Variants in KIFC3 observed in about 807,000 individuals in gnomAD.
KIFC3 encodes kinesin family member C3.
In KIFC3, 60 loss-of-function variants were observed where a neutral mutation model predicts 101.8. The ratio of observed to expected loss-of-function variants is 0.59; its 90% CI spans 0.48 to 0.73. The LOEUF (loss-of-function observed/expected upper bound fraction) is 0.73. Among genes scored for constraint, KIFC3 ranks in the 30% least tolerant of loss-of-function variants. KIFC3 has a pLI of 0.00. For synonymous variants in KIFC3, 476 were observed against 482.7 expected, an observed-to-expected ratio of 0.99 and a Z score of 0.18; for missense variants, 966 against 1,137.1, an observed-to-expected ratio of 0.85 and a Z score of 2.16.
At chr16:57,819,817 C>T (rs1244215627) in intron 1 of KIFC3, among the ~76,000 whole-genome samples, 1 of 151,998 alleles carries the variant, frequency 6.6e-6, no homozygotes, top group Non-Finnish European at 1.5e-5. Context: ...CCTCAGCCTC[C>T]CAAAGTGCTG....
rs74899518 is a variant in KIFC3 at position 57,792,369 on chromosome 16, T to C, written c.315+2630A>G. Among the ~76,000 whole-genome samples the C allele has an allele frequency of 7.1e-3, 1,077 of 152,368 alleles. 18 individuals are homozygous for C. The highest frequency in any genetic ancestry group is 0.025 in the African/African-American group (1,036 of 41,586). ...TAGACTCTCTTGTCTCTTTCTGCAC[T>C]GTACCTCTGACCCTAGCACAGACTG... is the stretch of plus-strand genomic sequence containing the variant. On this transcript the variant is annotated intron_variant, in intron 3 of 19. Coordinates refer to ENST00000445690, the MANE Select transcript of KIFC3 (RefSeq NM_001130100.2).
chr16:57,778,191 G>A (rs1397503435), intron 3 of KIFC3, among the ~76,000 whole-genome samples: 7 of 152,138 alleles, frequency 4.6e-5, no homozygotes, highest in Non-Finnish European at 1.0e-4. Flanking sequence ...GAGGCGGGCA[G>A]ATCACTTGAG....
rs964117425 is a variant in KIFC3, at chr16:57,778,839, A to G, written c.316-6551T>C. On this transcript the variant is annotated intron_variant, in intron 3 of 19. Coordinates refer to ENST00000445690, the MANE Select transcript of KIFC3 (RefSeq NM_001130100.2). ...GCCTGAGGCCAGGAGTTCAGAGGCT[A>G]CAGTGAGCTATGACCATGAACGGCC... Among the ~76,000 whole-genome samples, 11 of 152,300 alleles carry G rather than the reference A, an allele frequency of 7.2e-5. No individual in the cohort carries two copies. The East Asian group carries it at 1.9e-3, about 27-fold the overall frequency.
At chr16:57,842,332 C>T (rs1411828984) in intron 1 of KIFC3, among the ~76,000 whole-genome samples, 1 of 152,174 alleles carries the variant, frequency 6.6e-6, no homozygotes, top group Non-Finnish European at 1.5e-5. Flanking sequence ...GGGTCAGAGC[C>T]CCCTGTGTCT....
intron 1 of KIFC3, among the ~76,000 whole-genome samples, chr16:57,857,796 T>A (rs1231275789): frequency 4.8e-4 from 62 of 128,112 alleles, no homozygotes; most frequent in African/African-American, 1.6e-3. Context: ...TTTTTTTTTT[T>A]ATTTCTTTTC....
rs377477135 is a variant in KIFC3, at chr16:57,794,962, C to T, written c.315+37G>A. 4.3e-4 allele frequency: 650 copies of T among 1,506,356 alleles called. 3 individuals are homozygous for T. Among genetic ancestry groups the T allele is most frequent in the Admixed American group, 8.6e-4 (33 of 38,174 alleles). 93.3% of individuals were successfully genotyped at this position (1,506,356 alleles called of 1,614,324 possible). A position where few individuals can be genotyped will look rare whatever the true frequency, so the allele number is the denominator to read the frequency against. ...AACCCAGCCACTGGAGCTCAGAGAG[C>T]CAAGGCACATGCAGCCTGGAAGGCC... On this transcript the variant is annotated intron_variant, in intron 3 of 19. Coordinates refer to ENST00000445690, the MANE Select transcript of KIFC3 (RefSeq NM_001130100.2).
chr16:57,786,217 A>G (rs2053306708), intron 3 of KIFC3, among the ~76,000 whole-genome samples: 1 of 152,248 alleles, frequency 6.6e-6, no homozygotes, highest in East Asian at 1.9e-4. Context: ...CCACACATGG[A>G]GCAAGAACTC....
chr16:57,855,481 A>C (rs1259414173), intron 1 of KIFC3, among the ~76,000 whole-genome samples: 1 of 152,128 alleles, frequency 6.6e-6, no homozygotes, highest in Non-Finnish European at 1.5e-5. Context: ...TGAAAGCAAA[A>C]GTACAACATA....
chr16:57,780,581 A>G (rs2052604265), intron 3 of KIFC3, among the ~76,000 whole-genome samples: 1 of 150,614 alleles, frequency 6.6e-6, no homozygotes, highest in African/African-American at 2.4e-5. Flanking sequence ...AATGATTTAA[A>G]AAAAAAAAAA....
chr16:57,840,390 C>T (rs1210572103), intron 1 of KIFC3, among the ~76,000 whole-genome samples: 1 of 151,980 alleles, frequency 6.6e-6, no homozygotes, highest in Non-Finnish European at 1.5e-5. Flanking sequence ...CCTATAATTC[C>T]AGCTACTAGG....
At chr16:57,788,117 C>T (rs1332183609) in intron 3 of KIFC3, among the ~76,000 whole-genome samples, 1 of 152,214 alleles carries the variant, frequency 6.6e-6, no homozygotes, top group Admixed American at 6.5e-5. Context: ...GCCACTGGCT[C>T]CTTTGTCTCA....
At chr16:57,781,547 G>A (rs1249342028) in intron 3 of KIFC3, among the ~76,000 whole-genome samples, 4 of 152,172 alleles carry the variant, frequency 2.6e-5, no homozygotes, top group African/African-American at 9.7e-5. Context: ...GGTCAGCTGG[G>A]TGCTCAAGGA....
chr16:57,797,482 C>G (rs891117868), intron 2 of KIFC3, among the ~76,000 whole-genome samples: 1 of 152,250 alleles, frequency 6.6e-6, no homozygotes, highest in African/African-American at 2.4e-5. Context: ...CGAGCTGGCA[C>G]TGACAGCTCC....
chr16:57,828,158 GCTC>G (rs1315885293), intron 1 of KIFC3, among the ~76,000 whole-genome samples: 1 of 152,294 alleles, frequency 6.6e-6, no homozygotes, highest in African/African-American at 2.4e-5. Flanking sequence ...GCCACTCTGC[GCTC>G]CTCCTCCTCC....
rs1191334568 is a variant in KIFC3, at chr16:57,780,667, A to ATTTTT, written c.316-8384_316-8380dup. 2.9e-4 allele frequency among the ~76,000 whole-genome samples: 20 copies of ATTTTT among 69,956 alleles called. 1 individual carries two copies. Among genetic ancestry groups the ATTTTT allele is most frequent in the South Asian group, 7.0e-4 (1 of 1,434 alleles). The allele number at this position is 69,956 out of a possible 152,430, so 45.9% of individuals were successfully genotyped here. A position where few individuals can be genotyped will look rare whatever the true frequency, so the allele number is the denominator to read the frequency against. On this transcript the variant is annotated intron_variant, in intron 3 of 19. Transcript: ENST00000445690. ...TCCAGCCTGTGGTCTCTGAAGACAAATTTTTTTTTTTTTTTTTTTTTTTTT... is the reference window on the plus strand; with the variant it reads ...TCCAGCCTGTGGTCTCTGAAGACAAATTTTTTTTTTTTTTTTTTTTTTTTTTTTTT...
At chr16:57,796,710 CTGAGA>C (rs1187237748) in intron 2 of KIFC3, among the ~76,000 whole-genome samples, 2 of 152,110 alleles carry the variant, frequency 1.3e-5, no homozygotes, top group African/African-American at 4.8e-5. Flanking sequence ...GGTTAGAAAG[CTGAGA>C]TAACACAATA....
At chr16:57,761,323 G>A (rs1481280338) in intron 14 of KIFC3, 90 bp downstream of exon 14, 4 of 1,580,720 alleles carry the variant, frequency 2.5e-6, no homozygotes, top group Admixed American at 3.4e-5. Context: ...GCCCAAGGGT[G>A]CGTGCTTAGG....
At chr16:57,775,277 G>A (rs2051892022) in intron 3 of KIFC3, 2 of 1,268,114 alleles carry the variant, frequency 1.6e-6, no homozygotes, top group South Asian at 2.8e-5. Flanking sequence ...TTGTTCAGAG[G>A]TGTCAGACAC....
At chr16:57,805,215 C>T (rs2054907788), upstream of KIFC3, among the ~76,000 whole-genome samples, 1 of 152,024 alleles carries the variant, frequency 6.6e-6, no homozygotes, top group Non-Finnish European at 1.5e-5. Flanking sequence ...TAGCCTCAAG[C>T]GATCATCCTG....
Sources: allele counts gnomAD v4.1 joint callset (sites outside exome capture counted in the v4.1 genomes callset), GRCh38; gene constraint gnomAD v4.1.1; transcripts MANE v1.5; gene names NCBI Gene and HGNC (gene_info 2026-07-23, HGNC 2026-07-21).